Variants in LGSN observed in about 807,000 individuals in gnomAD.
LGSN encodes lengsin, lens protein with glutamine synthetase domain.
A neutral mutation model predicts 19.5 loss-of-function variants in LGSN; 21 were observed. That is an observed-to-expected ratio of 1.07 (90% CI 0.76 to 1.55). The LOEUF is 1.55. Among genes scored for constraint, LGSN ranks in the 40% most tolerant of loss-of-function variants. LGSN has a pLI of 0.00. For missense variants in LGSN, 673 were observed against 608.5 expected (o/e 1.11, Z -1.12); for synonymous variants, 257 against 215.6 (o/e 1.19, Z -1.68).
intron 1 of LGSN, among the ~76,000 whole-genome samples, chr6:63,318,917 A>G (rs1398063675): frequency 6.6e-6 from 1 of 152,212 alleles, no homozygotes; most frequent in African/African-American, 2.4e-5. Context: ...CTTTGCAGCT[A>G]TGAATTTACT....
chr6:63,471,089 T>C, the LGSN span, among the ~76,000 whole-genome samples: 3 of 151,784 alleles, frequency 2.0e-5, no homozygotes, highest in African/African-American at 4.8e-5. Flanking sequence ...TACATGGGAT[T>C]ACAGGCATGC....
the LGSN span, among the ~76,000 whole-genome samples, chr6:63,470,151 G>A: frequency 6.6e-6 from 1 of 151,916 alleles, no homozygotes; most frequent in Non-Finnish European, 1.5e-5. Flanking sequence ...AAGGAAGGAA[G>A]GAAGGCAGGC....
At chr6:63,471,403 T>C in the LGSN span, among the ~76,000 whole-genome samples, 1 of 151,984 alleles carries the variant, frequency 6.6e-6, no homozygotes, top group African/African-American at 2.4e-5. Flanking sequence ...CAGTGGCTCA[T>C]GCCTGTAATC....
the LGSN span, among the ~76,000 whole-genome samples, chr6:63,532,936 T>C: frequency 1.3e-5 from 2 of 152,228 alleles, no homozygotes; most frequent in Non-Finnish European, 2.9e-5. Context: ...AGGTATTACA[T>C]ACCCGATGTG....
At chr6:63,382,566 T>C in the LGSN span, among the ~76,000 whole-genome samples, 2 of 152,194 alleles carry the variant, frequency 1.3e-5, no homozygotes, top group Non-Finnish European at 2.9e-5. Flanking sequence ...CCTAGGAGGG[T>C]AAAGCCAATC....
the LGSN span, among the ~76,000 whole-genome samples, chr6:63,366,546 A>G: frequency 6.6e-6 from 1 of 152,208 alleles, no homozygotes; most frequent in Non-Finnish European, 1.5e-5. Flanking sequence ...TGCCATCCCC[A>G]TCAAGCTACC....
At chr6:63,455,814 A>T in the LGSN span, among the ~76,000 whole-genome samples, 1 of 150,732 alleles carries the variant, frequency 6.6e-6, no homozygotes, top group East Asian at 2.0e-4. Flanking sequence ...GTGGCTCAGG[A>T]TTATCATCCC....
chr6:63,319,338 C>T (rs1373017115), intron 1 of LGSN, among the ~76,000 whole-genome samples: 1 of 152,230 alleles, frequency 6.6e-6, no homozygotes, highest in Non-Finnish European at 1.5e-5. Flanking sequence ...TCCAAGTCTG[C>T]ACTTCAGTCT....
chr6:63,537,474 G>T, the LGSN span, among the ~76,000 whole-genome samples: 5 of 152,244 alleles, frequency 3.3e-5, no homozygotes, highest in Middle Eastern at 3.4e-3. Context: ...CAGGGTTTTG[G>T]CATCAATATG....
the LGSN span, among the ~76,000 whole-genome samples, chr6:63,550,924 C>A: frequency 1.3e-5 from 2 of 152,114 alleles, no homozygotes; most frequent in African/African-American, 2.4e-5. Flanking sequence ...CCGTGCCCAG[C>A]CCCATAATTT....
chr6:63,516,298 A>G, the LGSN span, among the ~76,000 whole-genome samples: 396 of 152,366 alleles, frequency 2.6e-3, 4 homozygotes, highest in Admixed American at 0.021. Flanking sequence ...TGATACCAGT[A>G]CTGTGCCCTT....
the LGSN span, among the ~76,000 whole-genome samples, chr6:63,364,915 A>C: frequency 0.13 from 19,829 of 152,148 alleles, 2,862 homozygotes; most frequent in African/African-American, 0.36. Flanking sequence ...ATATCAGAAT[A>C]TCTGGGACAC....
At chr6:63,294,398 G>A (rs1050613550) in intron 2 of LGSN, among the ~76,000 whole-genome samples, 1 of 152,004 alleles carries the variant, frequency 6.6e-6, no homozygotes, top group Non-Finnish European at 1.5e-5. Flanking sequence ...AAATCTGACT[G>A]CTTTTTATTG....
intron 1 of LGSN, among the ~76,000 whole-genome samples, chr6:63,314,901 A>G (rs1768780223): frequency 6.6e-6 from 1 of 152,174 alleles, no homozygotes; most frequent in African/African-American, 2.4e-5. Context: ...TTCTCTAGCA[A>G]AGCTCAGCTG....
the LGSN span, among the ~76,000 whole-genome samples, chr6:63,570,690 T>C: frequency 1.3e-5 from 2 of 152,242 alleles, no homozygotes; most frequent in African/African-American, 4.8e-5. Flanking sequence ...TGAAAAAGTT[T>C]CACTATTCCA....
the LGSN span, among the ~76,000 whole-genome samples, chr6:63,559,866 A>G: frequency 8.7e-4 from 133 of 152,284 alleles, no homozygotes; most frequent in African/African-American, 3.0e-3. Flanking sequence ...GGCTCAAACA[A>G]TCCTCCTGCC....
the LGSN span, among the ~76,000 whole-genome samples, chr6:63,527,358 C>T: frequency 6.6e-6 from 1 of 152,140 alleles, no homozygotes; most frequent in African/African-American, 2.4e-5. Context: ...ACCACAGTAA[C>T]CCACAGACCT....
At chr6:63,322,494 G>A (rs995627333), upstream of LGSN, among the ~76,000 whole-genome samples, 8 of 152,020 alleles carry the variant, frequency 5.3e-5, no homozygotes, top group East Asian at 1.9e-4. Flanking sequence ...CCTTTCTCCC[G>A]ATTTGTTGTT....
the LGSN span, among the ~76,000 whole-genome samples, chr6:63,410,358 A>G: frequency 2.1e-3 from 322 of 152,302 alleles, 13 homozygotes; most frequent in East Asian, 0.054. Context: ...GTGGGACTCT[A>G]TAATATTATA....
Sources: gnomAD v4.1 joint callset for allele counts (sites outside exome capture counted in the v4.1 genomes callset) on GRCh38, gnomAD v4.1.1 for gene constraint, MANE v1.5 for transcripts, NCBI Gene and HGNC (gene_info 2026-07-23, HGNC 2026-07-21) for gene names.